Variants in FCHSD2 observed in about 807,000 individuals in gnomAD.
The protein encoded by FCHSD2 is F-BAR and double SH3 domains protein 2.
FCHSD2 carries 38 observed loss-of-function variants against 108.1 expected under a neutral mutation model. The ratio of observed to expected loss-of-function variants is 0.35; its 90% CI spans 0.27 to 0.46. The LOEUF (loss-of-function observed/expected upper bound fraction) is 0.46. Among genes scored for constraint, FCHSD2 ranks in the 20% least tolerant of loss-of-function variants. The pLI, the probability that FCHSD2 is intolerant of heterozygous loss-of-function variation, is 1.00. For synonymous variants in FCHSD2, 279 were observed against 314.7 expected, an observed-to-expected ratio of 0.89 and a Z score of 1.20; for missense variants, 751 against 897.8, an observed-to-expected ratio of 0.84 and a Z score of 2.09.
chr11:73,071,033 A>C (rs1213584956), intron 3 of FCHSD2, among the ~76,000 whole-genome samples: 2 of 152,210 alleles, frequency 1.3e-5, no homozygotes, highest in African/African-American at 4.8e-5. Flanking sequence ...GGAAACATTA[A>C]ACAAAATCTT....
intron 8 of FCHSD2, among the ~76,000 whole-genome samples, chr11:72,939,450 A>G (rs1250962668): frequency 1.3e-5 from 2 of 152,088 alleles, no homozygotes; most frequent in African/African-American, 4.8e-5. Context: ...TACTACAATT[A>G]TAACTTAATT....
At chr11:73,088,475 TTGTG>T (rs773360270) in intron 2 of FCHSD2, among the ~76,000 whole-genome samples, 1 of 151,990 alleles carries the variant, frequency 6.6e-6, no homozygotes, top group Non-Finnish European at 1.5e-5. Flanking sequence ...GTGTGTGCGT[TTGTG>T]TGTGTGTACT....
chr11:72,911,050 T>G (rs1346554184), intron 9 of FCHSD2, among the ~76,000 whole-genome samples: 4 of 152,194 alleles, frequency 2.6e-5, no homozygotes, highest in Non-Finnish European at 4.4e-5. Context: ...TGCAGGGTAT[T>G]ACTCAATCTT....
chr11:72,928,349 T>C (rs1167860571), intron 8 of FCHSD2, among the ~76,000 whole-genome samples: 1 of 152,112 alleles, frequency 6.6e-6, no homozygotes, highest in African/African-American at 2.4e-5. Context: ...CCAACATAAC[T>C]CTCTCTCATT....
chr11:72,934,354 G>A (rs552698124), intron 8 of FCHSD2, among the ~76,000 whole-genome samples: 200 of 144,230 alleles, frequency 1.4e-3, no homozygotes, highest in African/African-American at 4.9e-3. Context: ...TTTTTGAGAC[G>A]GAGTCTTACT....
intron 8 of FCHSD2, among the ~76,000 whole-genome samples, chr11:72,939,477 A>C (rs1354262943): frequency 1.3e-5 from 2 of 152,110 alleles, no homozygotes; most frequent in Non-Finnish European, 2.9e-5. Context: ...AGAGAGTTAT[A>C]GAGATTTATT....
At position 72,922,524 on chromosome 11, in the gene FCHSD2, C is replaced by T. The variant is rs1415395343; in HGVS notation, c.706-574G>A. ...TCTTATTTCCTTAAACATTTTGTAA[C>T]AGGGATCTTTGAAATAAAAAAAAAG... On this transcript the variant is annotated intron_variant, in intron 8 of 19. Transcript: ENST00000409418. Among the ~76,000 whole-genome samples the T allele has an allele frequency of 3.3e-5, 5 of 151,570 alleles. No individual in the cohort carries two copies. In the East Asian group the frequency reaches 9.6e-4, roughly 29 times the overall value.
intron 10 of FCHSD2, among the ~76,000 whole-genome samples, chr11:72,890,647 G>A (rs1855294862): frequency 6.6e-6 from 1 of 151,552 alleles, no homozygotes; most frequent in African/African-American, 2.4e-5. Context: ...ATTGTGCAAG[G>A]TACTATGGAA....
rs58451717 is a variant in FCHSD2, at chr11:72,959,853, G to GGTGTGTGTGTGTGTGT, written c.705+24219_705+24234dup. ...AATTTCCCTGATTTTAAGTTTCTAG[G>GGTGTGTGTGTGTGTGT]GTGTGTGTGTGTGTGTGTGTGTGTG... is the stretch of plus-strand genomic sequence containing the variant. On this transcript the variant is annotated intron_variant, in intron 8 of 19. Transcript: ENST00000409418. 4.4e-3 allele frequency among the ~76,000 whole-genome samples: 638 copies of GGTGTGTGTGTGTGTGT among 145,888 alleles called. 3 individuals are homozygous for GGTGTGTGTGTGTGTGT. Among genetic ancestry groups the GGTGTGTGTGTGTGTGT allele is most frequent in the Non-Finnish European group, 6.7e-3 (445 of 66,334 alleles).
At chr11:72,944,650 C>A (rs1250256027) in intron 8 of FCHSD2, among the ~76,000 whole-genome samples, 2 of 152,032 alleles carry the variant, frequency 1.3e-5, no homozygotes, top group East Asian at 1.9e-4. Flanking sequence ...TCTAGAAAAC[C>A]CCATTGTCTC....
At chr11:73,108,058 C>T (rs1860387164) in intron 2 of FCHSD2, among the ~76,000 whole-genome samples, 1 of 152,194 alleles carries the variant, frequency 6.6e-6, no homozygotes, top group South Asian at 2.1e-4. Flanking sequence ...CCCCTTTTCT[C>T]CACATCCTTG....
chr11:72,996,362 A>C (rs1281307719), intron 5 of FCHSD2, among the ~76,000 whole-genome samples: 1 of 152,342 alleles, frequency 6.6e-6, no homozygotes, highest in Non-Finnish European at 1.5e-5. Context: ...TGCAAACTCT[A>C]AAGTGTTATA....
chr11:73,054,398 T>G (rs1366385591), intron 3 of FCHSD2, among the ~76,000 whole-genome samples: 1 of 152,158 alleles, frequency 6.6e-6, no homozygotes, highest in African/African-American at 2.4e-5. Context: ...AAAAGAAATT[T>G]AAATACCATT....
At chr11:72,974,041 C>T (rs1031427956) in intron 8 of FCHSD2, among the ~76,000 whole-genome samples, 1 of 127,490 alleles carries the variant, frequency 7.8e-6, no homozygotes, top group African/African-American at 3.1e-5. Context: ...GGAAAAATGA[C>T]CAGCAGAGTT....
intron 2 of FCHSD2, among the ~76,000 whole-genome samples, chr11:73,085,835 C>T (rs113704626): frequency 3.0e-4 from 45 of 152,082 alleles, no homozygotes; most frequent in Middle Eastern, 3.4e-3. Context: ...CACATTATTA[C>T]ATTCAAATCT....
intron 12 of FCHSD2, among the ~76,000 whole-genome samples, chr11:72,872,926 T>C (rs1854891590): frequency 6.6e-6 from 1 of 152,216 alleles, no homozygotes; most frequent in Non-Finnish European, 1.5e-5. Flanking sequence ...TGAGGGTTTC[T>C]CCACATCCTG....
intron 4 of FCHSD2, among the ~76,000 whole-genome samples, chr11:73,005,421 T>TA (rs1857718660): frequency 6.6e-6 from 1 of 152,174 alleles, no homozygotes; most frequent in Non-Finnish European, 1.5e-5. Context: ...AACACTGACC[T>TA]AGTTTATCCT....
At chr11:73,108,609 C>T (rs971875762) in intron 2 of FCHSD2, among the ~76,000 whole-genome samples, 1 of 152,070 alleles carries the variant, frequency 6.6e-6, no homozygotes, top group East Asian at 1.9e-4. Context: ...TCGCCCAGGC[C>T]GGACTGCGGA....
At chr11:73,075,082 G>T (rs926559258) in intron 3 of FCHSD2, among the ~76,000 whole-genome samples, 10 of 152,104 alleles carry the variant, frequency 6.6e-5, no homozygotes, top group African/African-American at 2.2e-4. Flanking sequence ...TCAGGAAAGT[G>T]CAAATCAAAC....
Sources: allele counts gnomAD v4.1 joint callset (sites outside exome capture counted in the v4.1 genomes callset), GRCh38; gene constraint gnomAD v4.1.1; transcripts MANE v1.5; gene names NCBI Gene and HGNC (gene_info 2026-07-23, HGNC 2026-07-21).